Variants in LRBA observed in about 807,000 individuals in gnomAD.
LRBA encodes LPS responsive beige-like anchor protein.
Under a neutral mutation model 330.0 loss-of-function variants are expected in LRBA, and 176 were observed. The ratio of observed to expected loss-of-function variants is 0.53; its 90% CI spans 0.47 to 0.60. The LOEUF is 0.60. Ranked by LOEUF, LRBA falls within the 20% of genes least tolerant of loss-of-function variation. The pLI, the probability that LRBA is intolerant of heterozygous loss-of-function variation, is 0.00. For missense variants in LRBA, 3,259 were observed against 3,444.8 expected, an observed-to-expected ratio of 0.95 and a Z score of 1.35; for synonymous variants, 1,230 against 1,193.0, an observed-to-expected ratio of 1.03 and a Z score of -0.64.
intron 33 of LRBA, among the ~76,000 whole-genome samples, chr4:150,801,439 A>T (rs1275850169): frequency 6.6e-6 from 1 of 152,212 alleles, no homozygotes; most frequent in Non-Finnish European, 1.5e-5. Context: ...TTTGTTAAAG[A>T]GGACAGACAT....
At chr4:150,444,154 G>GT (rs200408763) in intron 44 of LRBA, among the ~76,000 whole-genome samples, 255 of 151,794 alleles carry the variant, frequency 1.7e-3, no homozygotes, top group African/African-American at 5.1e-3. Flanking sequence ...GGCAAATACA[G>GT]TTTTTTTAAA....
At chr4:150,295,141 T>C (rs1728811812) in intron 53 of LRBA, among the ~76,000 whole-genome samples, 1 of 150,074 alleles carries the variant, frequency 6.7e-6, no homozygotes, top group South Asian at 2.1e-4. Flanking sequence ...AGGCTAACAG[T>C]GGGGAGTGAA....
At chr4:150,859,408 TTTATCATACCA>T (rs1295550425) in intron 22 of LRBA, among the ~76,000 whole-genome samples, 1 of 152,122 alleles carries the variant, frequency 6.6e-6, no homozygotes, top group African/African-American at 2.4e-5. Flanking sequence ...GTAAAAGCAT[TTTATCATACCA>T]AGTGAAAAAA....
chr4:150,639,278 T>A (rs1778253877), intron 37 of LRBA, among the ~76,000 whole-genome samples: 1 of 133,664 alleles, frequency 7.5e-6, no homozygotes, highest in South Asian at 2.4e-4. Context: ...AGTTAGTGGG[T>A]GCAGTGCACC....
chr4:150,688,272 C>A (rs998017982), intron 36 of LRBA, among the ~76,000 whole-genome samples: 1 of 152,056 alleles, frequency 6.6e-6, no homozygotes, highest in Non-Finnish European at 1.5e-5. Context: ...TGAAACTGGA[C>A]CCCTTCCTTA....
intron 42 of LRBA, among the ~76,000 whole-genome samples, chr4:150,486,689 C>A (rs1426153918): frequency 2.0e-5 from 3 of 151,622 alleles, no homozygotes; most frequent in Non-Finnish European, 4.4e-5. Context: ...TTTAAGAAAA[C>A]AATATGCTGT....
chr4:150,778,783 T>G (rs1560805268), intron 34 of LRBA, among the ~76,000 whole-genome samples: 1 of 152,196 alleles, frequency 6.6e-6, no homozygotes, highest in Admixed American at 6.6e-5. Flanking sequence ...TCAGTCTGTT[T>G]GGCAACTCTA....
At chr4:150,867,541 T>C in intron 22 of LRBA, 130 bp downstream of exon 22, 1 of 619,684 alleles carries the variant, frequency 1.6e-6, no homozygotes, top group South Asian at 2.2e-5. Flanking sequence ...TGAGCTTTCA[T>C]TTTGCTGTAC....
intron 40 of LRBA, among the ~76,000 whole-genome samples, chr4:150,554,079 G>A (rs1164942280): frequency 6.6e-6 from 1 of 152,168 alleles, no homozygotes. Flanking sequence ...GGAGATACAT[G>A]CAGGACATGA....
At chr4:150,923,424 T>C (rs1053828865) in intron 4 of LRBA, among the ~76,000 whole-genome samples, 1 of 152,128 alleles carries the variant, frequency 6.6e-6, no homozygotes, top group African/African-American at 2.4e-5. Context: ...CAAGTCAATC[T>C]TACCCAGCCT....
chr4:150,569,640 C>T (rs946352197), intron 40 of LRBA, among the ~76,000 whole-genome samples: 2 of 152,120 alleles, frequency 1.3e-5, no homozygotes, highest in Non-Finnish European at 2.9e-5. Flanking sequence ...GCTTCATCAG[C>T]ATATGAAGTT....
chr4:150,986,283 G>A (rs1741455225), intron 2 of LRBA, among the ~76,000 whole-genome samples: 1 of 152,204 alleles, frequency 6.6e-6, no homozygotes. Flanking sequence ...TTCCACCTCA[G>A]CGGGAGATGA....
intron 47 of LRBA, among the ~76,000 whole-genome samples, chr4:150,393,151 C>T (rs928644474): frequency 1.1e-4 from 16 of 152,126 alleles, no homozygotes; most frequent in East Asian, 5.8e-4. Context: ...CTCTGATTAA[C>T]GACATTCTGG....
chr4:150,341,048 C>G (rs977432141), intron 48 of LRBA, among the ~76,000 whole-genome samples: 2 of 152,114 alleles, frequency 1.3e-5, no homozygotes, highest in African/African-American at 2.4e-5. Context: ...TAGGCAGGGA[C>G]AGAAAAAGGT....
chr4:150,412,864 T>C (rs1249113330), intron 47 of LRBA, among the ~76,000 whole-genome samples: 1 of 151,296 alleles, frequency 6.6e-6, no homozygotes, highest in African/African-American at 2.4e-5. Context: ...AAATATTTAA[T>C]ATCTAATATT....
At position 150,294,035 on chromosome 4, in the gene LRBA, A is replaced by G. The variant is rs187228685; in HGVS notation, c.8018-8001T>C. Among the ~76,000 whole-genome samples, 395 of 152,346 alleles carry G rather than the reference A, an allele frequency of 2.6e-3. 3 individuals carry two copies. Among genetic ancestry groups the G allele is most frequent in the Non-Finnish European group, 3.8e-3 (257 of 68,030 alleles). On this transcript the variant is annotated intron_variant, in intron 53 of 56. Transcript: ENST00000651943. ...TCAGTAAGGCTTCCAAGTCAACAGT[A>G]AGCTATCAGTAGTTAAGTTTCTGGG...
intron 28 of LRBA, among the ~76,000 whole-genome samples, chr4:150,837,195 G>A (rs1303305124): frequency 2.0e-5 from 3 of 152,200 alleles, no homozygotes; most frequent in Non-Finnish European, 4.4e-5. Flanking sequence ...TACATTTGCT[G>A]AGGAGTGCTT....
chr4:151,014,870 A>C lies in LRBA; in HGVS notation c.-219-9T>G. The C allele has an allele frequency of 1.9e-6, 1 of 516,136 alleles. No individual in the cohort carries two copies. The highest frequency in any genetic ancestry group is 3.2e-5 in the Admixed American group (1 of 31,042). The allele number at this position is 516,136 out of a possible 1,614,324, so 32.0% of individuals were successfully genotyped here. A position where few individuals can be genotyped will look rare whatever the true frequency, so the allele number is the denominator to read the frequency against. ...GACAACAACGCCAAACCCTATTGGA[A>C]GATTAAATATATGTTAAATAGGCTA... is the stretch of plus-strand genomic sequence containing the variant. On this transcript the variant is annotated splice_polypyrimidine_tract_variant and intron_variant, in intron 1 of 56. Transcript: ENST00000651943.
intron 38 of LRBA, among the ~76,000 whole-genome samples, chr4:150,596,321 C>G (rs1656557020): frequency 6.6e-6 from 1 of 151,834 alleles, no homozygotes; most frequent in Admixed American, 6.6e-5. Flanking sequence ...ACACTAGAGG[C>G]TTTCCTTCAA....
Sources: gnomAD v4.1 joint callset for allele counts (sites outside exome capture counted in the v4.1 genomes callset) on GRCh38, gnomAD v4.1.1 for gene constraint, MANE v1.5 for transcripts, NCBI Gene and HGNC (gene_info 2026-07-23, HGNC 2026-07-21) for gene names.